FHIP1B: variants seen among roughly 807,000 people sequenced by gnomAD.
FHIP1B encodes FHF complex subunit HOOK interacting protein 1B.
FHIP1B carries 28 observed loss-of-function variants against 82.2 expected under a neutral mutation model. That is an observed-to-expected ratio of 0.34 (90% CI 0.25 to 0.47). FHIP1B has a LOEUF of 0.47. Among genes scored for constraint, FHIP1B ranks in the 20% least tolerant of loss-of-function variants. The pLI, the probability that FHIP1B is intolerant of heterozygous loss-of-function variation, is 1.00. For synonymous variants in FHIP1B, 585 were observed against 516.1 expected, an observed-to-expected ratio of 1.13 and a Z score of -1.81; for missense variants, 1,110 against 1,262.6, an observed-to-expected ratio of 0.88 and a Z score of 1.83.
rs1202670429 is a variant in FHIP1B, at chr11:6,218,816, G to A, written c.1272-53C>T. On this transcript the variant is annotated intron_variant, in intron 7 of 11. Transcript: ENST00000449352. ...AGGGTAGATCAGGAAGGAAGGACAG[G>A]GCCTAGAGGAACATCAGGCCAATGA... is the stretch of plus-strand genomic sequence containing the variant. 4.4e-6 allele frequency: 7 copies of A among 1,598,030 alleles called. No individual in the cohort carries two copies. In the South Asian group the frequency reaches 6.6e-5, roughly 15 times the overall value.
chr11:6,227,590 T>C (rs1354592306), intron 1 of FHIP1B, among the ~76,000 whole-genome samples: 5 of 152,214 alleles, frequency 3.3e-5, no homozygotes, highest in Non-Finnish European at 7.3e-5. Context: ...ATATTCATGA[T>C]GTCCAGAAAG....
intron 9 of FHIP1B, among the ~76,000 whole-genome samples, chr11:6,215,523 A>T (rs531843258): frequency 9.2e-5 from 14 of 152,352 alleles, no homozygotes; most frequent in African/African-American, 3.4e-4. Context: ...TGTTGCAAAG[A>T]CAAAGTAACT....
intron 11 of FHIP1B, among the ~76,000 whole-genome samples, chr11:6,214,034 GAAAAAAAAAAAAAAA>G (rs59502569): frequency 2.7e-4 from 10 of 36,610 alleles, no homozygotes; most frequent in East Asian, 7.6e-4. Context: ...GACCTCTCCT[GAAAAAAAAAAAAAAA>G]AAAAAAAAAA....
intron 1 of FHIP1B, among the ~76,000 whole-genome samples, chr11:6,230,009 C>A (rs1847658364): frequency 6.6e-6 from 1 of 151,542 alleles, no homozygotes; most frequent in Non-Finnish European, 1.5e-5. Flanking sequence ...ACCTGCCACT[C>A]TCCAGATTTA....
intron 11 of FHIP1B, among the ~76,000 whole-genome samples, chr11:6,212,550 G>A (rs139600802): frequency 5.3e-4 from 81 of 152,296 alleles, no homozygotes; most frequent in African/African-American, 1.8e-3. Context: ...CTCTCCCACT[G>A]GTTGCGGCCA....
intron 1 of FHIP1B, among the ~76,000 whole-genome samples, chr11:6,228,250 T>C (rs1847613207): frequency 6.6e-6 from 1 of 151,964 alleles, no homozygotes; most frequent in South Asian, 2.1e-4. Context: ...CTCAAGAGGC[T>C]AAGGCAGGAG....
rs150676373 is a variant in FHIP1B at position 6,224,020 on chromosome 11, C to A, written c.367G>T (p.Val123Phe). 1.9e-6 allele frequency: 3 copies of A among 1,613,876 alleles called. No individual in the cohort carries two copies. The highest frequency in any genetic ancestry group is 2.5e-6 in the Non-Finnish European group (3 of 1,179,864). The change falls in exon 3 of 12, where the codon GTC becomes TTC. Residue 123 changes from valine to phenylalanine, a missense_variant. Physicochemically the swap from Val to Phe is conservative, Grantham distance 50 (BLOSUM62 -1). Transcript: ENST00000449352. ...QLQWDELGDGVEERRAEQLKL... is the reference protein window; with the variant it reads ...QLQWDELGDGFEERRAEQLKL... ...AGTTGCTCAGCCCGCCGTTCCTCGACCCCATCCCCAAGCTCATCCCATTGC... is the reference window on the plus strand; with the variant it reads ...AGTTGCTCAGCCCGCCGTTCCTCGAACCCATCCCCAAGCTCATCCCATTGC...
At chr11:6,219,192 C>G in intron 6 of FHIP1B, 142 bp from the exon 7 acceptor site, 2 of 632,040 alleles carry the variant, frequency 3.2e-6, no homozygotes, top group Non-Finnish European at 5.8e-6. Context: ...TGTACCATGC[C>G]TGGCACATAA....
rs1211807946 is a variant in FHIP1B at position 6,211,368 on chromosome 11, T to C, written c.*138A>G. ...AATAGAGATTTCCCTTTTATACATA[T>C]TGCAACAAGTTCTCCATAAAACATT... On this transcript the variant is annotated 3_prime_UTR_variant, in exon 12 of 12. Coordinates refer to ENST00000449352, the MANE Select transcript of FHIP1B (RefSeq NM_001098794.2). 22 of 1,210,760 alleles carry C rather than the reference T, an allele frequency of 1.8e-5. No homozygotes were observed. Among genetic ancestry groups the C allele is most frequent in the East Asian group, 7.4e-5 (3 of 40,330 alleles). 75.0% of individuals were successfully genotyped at this position (1,210,760 alleles called of 1,614,324 possible).
At chr11:6,212,070 T>G in intron 11 of FHIP1B, 2 of 622,282 alleles carry the variant, frequency 3.2e-6, no homozygotes. Flanking sequence ...AGGAGTAGAG[T>G]GAGGAGTTCT....
Position 6,217,673 on chromosome 11 carries a change from A to G in FHIP1B, c.1913T>C (p.Val638Ala). 1.9e-6 allele frequency: 3 copies of G among 1,613,438 alleles called. No homozygotes were observed. Among genetic ancestry groups the G allele is most frequent in the Non-Finnish European group, 2.5e-6 (3 of 1,179,880 alleles). Residue 638 changes from valine to alanine, a missense_variant, in exon 9 of 12, where the codon GTG (valine) becomes GCG (alanine). Physicochemically the swap from Val to Ala is moderately conservative, Grantham distance 64. This residue lies in a region of FHIP1B where 418 missense variants were observed against 371.4 expected (regional missense o/e 1.13). Transcript: ENST00000449352. ...GGCCCCCTCAGGCCATGATCCTGGCACTCCATTGAGCTGGGGAGGGGGCAG... is the reference window on the plus strand; with the variant it reads ...GGCCCCCTCAGGCCATGATCCTGGCGCTCCATTGAGCTGGGGAGGGGGCAG... ...GHLPPPQLNG[V>A]PGSWPEGAKK...
intron 1 of FHIP1B, among the ~76,000 whole-genome samples, chr11:6,225,560 T>C (rs970622105): frequency 1.3e-5 from 2 of 152,236 alleles, no homozygotes; most frequent in African/African-American, 2.4e-5. Flanking sequence ...GTTTGTCTTA[T>C]TGTGTCTGTT....
chr11:6,218,220 G>C, intron 8 of FHIP1B, 70 bp from the exon 9 acceptor site: 1 of 1,506,964 alleles, frequency 6.6e-7, no homozygotes, highest in Non-Finnish European at 8.8e-7. Context: ...GACACCTCGG[G>C]AGACTAAGAA....
Position 6,217,575 on chromosome 11 carries a change from G to A in FHIP1B, c.2011C>T (p.Leu671=). Residue 671 remains leucine, a synonymous_variant, in exon 9 of 12, where the codon CTA becomes TTA. Transcript: ENST00000449352. ...LEGISEGMAG[L]EGFGQELREL... is the part of the protein sequence containing the mutation. ...CGGAGCTCCTGCCCAAAGCCCTCTA[G>A]TCCTGCCATGCCCTCGGAGATGCCC... The A allele has an allele frequency of 1.2e-6, 2 of 1,612,242 alleles. No individual in the cohort carries two copies. The highest frequency in any genetic ancestry group is 1.7e-6 in the Non-Finnish European group (2 of 1,179,046).
chr11:6,228,594 T>C (rs893443780), intron 1 of FHIP1B, among the ~76,000 whole-genome samples: 15 of 152,164 alleles, frequency 9.9e-5, no homozygotes, highest in Admixed American at 2.6e-4. Context: ...AAATAAAGGA[T>C]GGATGCTACT....
chr11:6,220,414 T>C (rs1847374558), intron 6 of FHIP1B, among the ~76,000 whole-genome samples: 2 of 152,156 alleles, frequency 1.3e-5, no homozygotes, highest in South Asian at 4.1e-4. Flanking sequence ...GTCATACATA[T>C]GACCTACAAA....
Position 6,223,508 on chromosome 11 carries a change from G to A in FHIP1B, c.777+102C>T. 1 of 1,419,868 alleles carries A rather than the reference G, an allele frequency of 7.0e-7. No homozygotes were observed. Among genetic ancestry groups the A allele is most frequent in the South Asian group, 1.4e-5 (1 of 71,606 alleles). 88.0% of individuals were successfully genotyped at this position (1,419,868 alleles called of 1,614,324 possible). ...TCAAATCCAGGAACTGTTTCCTAGG[G>A]GAACGGGCCCTGGAACATAGCCTCT... On this transcript the variant is annotated intron_variant, in intron 3 of 11. Transcript: ENST00000449352. The surrounding 1 kb of genome is among the most constrained non-coding windows in gnomAD (Gnocchi z 4.8).
chr11:6,217,043 C>G (rs1264551336), intron 9 of FHIP1B: 1 of 698,216 alleles, frequency 1.4e-6, no homozygotes, highest in Non-Finnish European at 2.6e-6. Context: ...CTGTGATTCA[C>G]CAGGAAACAT....
At position 6,223,565 on chromosome 11, in the gene FHIP1B, G is replaced by C. The variant is rs199613965; in HGVS notation, c.777+45C>G. On this transcript the variant is annotated intron_variant, in intron 3 of 11. Coordinates refer to ENST00000449352, the MANE Select transcript of FHIP1B (RefSeq NM_001098794.2). This position sits in a 1 kb window ranked among gnomAD's most constrained non-coding sequence, Gnocchi z 4.8. Reference sequence around the variant, plus strand: ...CTCCTGGATAGGAAGGTGCTGTTCAGTATCTACACACCACACCCTACCCTC... The same window carrying C: ...CTCCTGGATAGGAAGGTGCTGTTCACTATCTACACACCACACCCTACCCTC... The C allele has an allele frequency of 4.6e-6, 7 of 1,533,764 alleles. No individual in the cohort carries two copies. The highest frequency in any genetic ancestry group is 6.1e-6 in the Non-Finnish European group (7 of 1,141,678).
Sources: gnomAD v4.1 joint callset for allele counts (sites outside exome capture counted in the v4.1 genomes callset) on GRCh38, gnomAD v4.1.1 for gene constraint, gnomAD v4.1.1 regional missense constraint, Gnocchi (gnomAD v3.1) non-coding constraint, MANE v1.5 for transcripts, NCBI Gene and HGNC (gene_info 2026-07-23, HGNC 2026-07-21) for gene names.